The following MAP4K3 variants were observed in gnomAD, a reference collection of about 807,000 sequenced individuals.
MAP4K3 encodes MAPK/ERK kinase kinase kinase 3.
In MAP4K3, 94 loss-of-function variants were observed where a neutral mutation model predicts 143.5. That is an observed-to-expected ratio of 0.65 (90% CI 0.55 to 0.78). The LOEUF (loss-of-function observed/expected upper bound fraction) is 0.78. Among genes scored for constraint, MAP4K3 ranks in the 30% least tolerant of loss-of-function variants. The pLI, the probability that MAP4K3 is intolerant of heterozygous loss-of-function variation, is 0.00. For missense variants in MAP4K3, 1,077 were observed against 1,068.1 expected, an observed-to-expected ratio of 1.01 and a Z score of -0.12; for synonymous variants, 416 against 347.2, an observed-to-expected ratio of 1.20 and a Z score of -2.20.
chr2:39,315,275 C>A, intron 13 of MAP4K3, 35 bp downstream of exon 13: 1 of 1,338,608 alleles, frequency 7.5e-7, no homozygotes, highest in Non-Finnish European at 1.0e-6. Flanking sequence ...TATTTTCTAT[C>A]ATTAAATCAT....
At chr2:39,363,881 G>C (rs972535551) in intron 2 of MAP4K3, among the ~76,000 whole-genome samples, 2 of 146,636 alleles carry the variant, frequency 1.4e-5, no homozygotes, top group Non-Finnish European at 3.0e-5. Context: ...CTCAAAAAAA[G>C]ATATACAAAT....
At chr2:39,429,192 A>T (rs1405758396) in intron 1 of MAP4K3, among the ~76,000 whole-genome samples, 1 of 152,160 alleles carries the variant, frequency 6.6e-6, no homozygotes, top group African/African-American at 2.4e-5. Flanking sequence ...AATATGGCTC[A>T]CATTATAATT....
intron 12 of MAP4K3, among the ~76,000 whole-genome samples, chr2:39,321,752 G>A (rs1683313604): frequency 6.6e-6 from 1 of 152,256 alleles, no homozygotes; most frequent in Non-Finnish European, 1.5e-5. Flanking sequence ...AGGGCTGGAG[G>A]TGGGACATGC....
chr2:39,326,222 C>G lies in MAP4K3; in HGVS notation c.586G>C (p.Asp196His). 1 of 1,613,976 alleles carries G rather than the reference C, an allele frequency of 6.2e-7. No homozygotes were observed. The highest frequency in any genetic ancestry group is 8.5e-7 in the Non-Finnish European group (1 of 1,179,926). ...GCAGTGATTCCCACTGCCCAGAGATCACAGAGTTGATTGTAACCCCCCTTC... is the reference window on the plus strand; with the variant it reads ...GCAGTGATTCCCACTGCCCAGAGATGACAGAGTTGATTGTAACCCCCCTTC... ...ERKGGYNQLC[D>H]LWAVGITAIE... Residue 196 changes from aspartate (D) to histidine (H), a missense_variant, in exon 9 of 34, where the codon GAT becomes CAT. Physicochemically the swap from Asp to His is moderately conservative, Grantham distance 81. Around this residue, in one of 2 missense-constraint regions of MAP4K3, gnomAD observed 213 missense variants for 266.8 expected, o/e 0.80. Transcript: ENST00000263881.
Position 39,325,502 on chromosome 2 carries a change from T to G in MAP4K3, c.918+16A>C, listed in dbSNP as rs201552060. ...TATACATGTTATATATGCCCGCTGGTAAAAGCAATTCCTACCTCAGGATCA... is the reference window on the plus strand; with the variant it reads ...TATACATGTTATATATGCCCGCTGGGAAAAGCAATTCCTACCTCAGGATCA... On this transcript the variant is annotated intron_variant, in intron 12 of 33. Coordinates refer to ENST00000263881, the MANE Select transcript of MAP4K3 (RefSeq NM_003618.4). 41 of 1,575,698 alleles carry G rather than the reference T, an allele frequency of 2.6e-5. 1 individual carries two copies. The East Asian group carries it at 8.8e-4, about 34-fold the overall frequency.
intron 12 of MAP4K3, among the ~76,000 whole-genome samples, chr2:39,316,305 A>C (rs1157982613): frequency 6.6e-6 from 1 of 152,144 alleles, no homozygotes; most frequent in Non-Finnish European, 1.5e-5. Context: ...AAAAAGAAAA[A>C]GCTGAAAAAA....
intron 19 of MAP4K3, among the ~76,000 whole-genome samples, chr2:39,290,009 C>A (rs1335246206): frequency 6.7e-6 from 1 of 149,682 alleles, no homozygotes; most frequent in East Asian, 2.0e-4. Flanking sequence ...ATTGCTTGAA[C>A]CCGAGAGGAG....
chr2:39,417,754 C>T (rs1667425496), intron 1 of MAP4K3, among the ~76,000 whole-genome samples: 1 of 152,182 alleles, frequency 6.6e-6, no homozygotes, highest in East Asian at 1.9e-4. Context: ...GACACGCCAA[C>T]AGCAAACATA....
rs539451941 is a variant in MAP4K3, at chr2:39,284,457, G to A, written c.1588-1903C>T. ...ATTATAGGTGTGAGCCACTGTGCCC[G>A]GCCTAGCAAAACATCATTTTAAATT... On this transcript the variant is annotated intron_variant, in intron 21 of 33. Transcript: ENST00000263881. Among the ~76,000 whole-genome samples, 200 of 152,078 alleles carry A rather than the reference G, an allele frequency of 1.3e-3. 3 individuals carry two copies. Among genetic ancestry groups the A allele is most frequent in the African/African-American group, 4.7e-3 (193 of 41,490 alleles).
chr2:39,320,895 C>G (rs1683279763), intron 12 of MAP4K3, among the ~76,000 whole-genome samples: 1 of 152,100 alleles, frequency 6.6e-6, no homozygotes, highest in Non-Finnish European at 1.5e-5. Flanking sequence ...ACATTATGCT[C>G]TAAGTCTTAG....
At chr2:39,297,260 G>C (rs528213120) in intron 16 of MAP4K3, among the ~76,000 whole-genome samples, 123 of 152,104 alleles carry the variant, frequency 8.1e-4, no homozygotes, top group African/African-American at 2.5e-3. Context: ...TGGGACCTCA[G>C]GCGTGTGCCA....
At chr2:39,270,953 C>T (rs1049056952) in intron 26 of MAP4K3, among the ~76,000 whole-genome samples, 1 of 151,780 alleles carries the variant, frequency 6.6e-6, no homozygotes, top group Admixed American at 6.6e-5. Context: ...ATATTTGTGG[C>T]TGTTACTATT....
At chr2:39,387,122 T>C (rs1021347364) in intron 1 of MAP4K3, among the ~76,000 whole-genome samples, 1 of 152,166 alleles carries the variant, frequency 6.6e-6, no homozygotes, top group African/African-American at 2.4e-5. Flanking sequence ...CGGCCGATTA[T>C]TGTAGTTTTA....
chr2:39,256,274 T>A (rs559343932), intron 31 of MAP4K3, among the ~76,000 whole-genome samples: 4 of 152,330 alleles, frequency 2.6e-5, no homozygotes, highest in Admixed American at 2.6e-4. Flanking sequence ...TTCTTTCTAA[T>A]CCTCATACTT....
chr2:39,297,135 G>A (rs1448665205), intron 16 of MAP4K3, among the ~76,000 whole-genome samples: 5 of 127,950 alleles, frequency 3.9e-5, no homozygotes, highest in South Asian at 2.4e-4. Flanking sequence ...TTTTTTTTTT[G>A]AGACAGAGTT....
chr2:39,317,942 T>G (rs528467807), intron 12 of MAP4K3, among the ~76,000 whole-genome samples: 12 of 152,224 alleles, frequency 7.9e-5, no homozygotes, highest in African/African-American at 2.9e-4. Flanking sequence ...CATAAAAACA[T>G]GCACGTTATG....
At chr2:39,343,045 C>A (rs1161844381) in intron 4 of MAP4K3, among the ~76,000 whole-genome samples, 1 of 152,100 alleles carries the variant, frequency 6.6e-6, no homozygotes, top group Non-Finnish European at 1.5e-5. Flanking sequence ...AATAAATTAT[C>A]TTTGTATTAT....
chr2:39,282,481 G>A, intron 22 of MAP4K3, 32 bp downstream of exon 22: 1 of 1,581,810 alleles, frequency 6.3e-7, no homozygotes, highest in Non-Finnish European at 8.7e-7. Flanking sequence ...GACTTAGCTT[G>A]AAACTTAGCC....
chr2:39,302,536 T>G (rs1682551709), intron 15 of MAP4K3, among the ~76,000 whole-genome samples: 1 of 152,202 alleles, frequency 6.6e-6, no homozygotes, highest in Admixed American at 6.5e-5. Flanking sequence ...TGGGGCAGTC[T>G]AAGAAAGACT....
Sources: gnomAD v4.1 joint callset for allele counts (sites outside exome capture counted in the v4.1 genomes callset) on GRCh38, gnomAD v4.1.1 for gene constraint, gnomAD v4.1.1 regional missense constraint, MANE v1.5 for transcripts, NCBI Gene and HGNC (gene_info 2026-07-23, HGNC 2026-07-21) for gene names.